The following PCDH9 variants were observed in gnomAD, a reference collection of about 807,000 sequenced individuals.
PCDH9 encodes protocadherin-9.
Under a neutral mutation model 70.6 loss-of-function variants are expected in PCDH9, and 24 were observed. The ratio of observed to expected loss-of-function variants is 0.34; its 90% CI spans 0.25 to 0.48. PCDH9 has a LOEUF of 0.48. Ranked by LOEUF, PCDH9 falls within the 20% of genes least tolerant of loss-of-function variation. The pLI, the probability that PCDH9 is intolerant of heterozygous loss-of-function variation, is 0.99. For missense variants in PCDH9, 1,281 were observed against 1,503.6 expected (o/e 0.85, Z 2.45); for synonymous variants, 562 against 558.5 (o/e 1.01, Z -0.09).
chr13:66,981,226 G>C (rs1401418457), intron 2 of PCDH9, among the ~76,000 whole-genome samples: 1 of 152,014 alleles, frequency 6.6e-6, no homozygotes, highest in Non-Finnish European at 1.5e-5. Flanking sequence ...ATCACGAGGT[G>C]CGGAGATCAA....
chr13:66,429,430 G>GTTT (rs5804281), intron 4 of PCDH9, among the ~76,000 whole-genome samples: 8,347 of 144,928 alleles, frequency 0.058, 309 homozygotes, highest in African/African-American at 0.091. Context: ...TATTTTTTCT[G>GTTT]TTTTTTTTTT....
chr13:67,157,347 T>C (rs186186284), intron 2 of PCDH9, among the ~76,000 whole-genome samples: 272 of 152,336 alleles, frequency 1.8e-3, no homozygotes, highest in Non-Finnish European at 2.5e-3. Context: ...TTTTCTTATA[T>C]TCATTTGTTA....
chr13:66,410,795 G>A (rs1957357343), intron 4 of PCDH9, among the ~76,000 whole-genome samples: 1 of 152,108 alleles, frequency 6.6e-6, no homozygotes, highest in Non-Finnish European at 1.5e-5. Context: ...AAAATAAAAT[G>A]CCGATTTTTT....
At chr13:66,509,297 A>G (rs915451401) in intron 4 of PCDH9, among the ~76,000 whole-genome samples, 15 of 152,032 alleles carry the variant, frequency 9.9e-5, no homozygotes, top group Non-Finnish European at 1.9e-4. Context: ...CAACCCAGAC[A>G]ATGTCTTTTT....
At chr13:66,889,238 T>A (rs1296927337) in intron 3 of PCDH9, among the ~76,000 whole-genome samples, 1 of 152,164 alleles carries the variant, frequency 6.6e-6, no homozygotes, top group African/African-American at 2.4e-5. Flanking sequence ...GTACCTCTGA[T>A]CCGAGGCCAA....
chr13:67,017,153 C>T (rs1201810170), intron 2 of PCDH9, among the ~76,000 whole-genome samples: 1 of 152,168 alleles, frequency 6.6e-6, no homozygotes, highest in Non-Finnish European at 1.5e-5. Context: ...TCCTGTCTTA[C>T]ACTGTTTAGA....
At chr13:67,152,937 G>A (rs949604289) in intron 2 of PCDH9, among the ~76,000 whole-genome samples, 2 of 152,064 alleles carry the variant, frequency 1.3e-5, no homozygotes, top group African/African-American at 4.8e-5. Context: ...CGCATAGAGG[G>A]TAATGACACT....
At chr13:66,471,878 C>T (rs1566351612) in intron 4 of PCDH9, among the ~76,000 whole-genome samples, 2 of 152,022 alleles carry the variant, frequency 1.3e-5, no homozygotes, top group Admixed American at 6.6e-5. Context: ...GGTGGTTTCC[C>T]CAAATTACAT....
intron 3 of PCDH9, among the ~76,000 whole-genome samples, chr13:66,636,767 T>A (rs1002746872): frequency 1.3e-5 from 2 of 151,584 alleles, no homozygotes; most frequent in African/African-American, 4.8e-5. Flanking sequence ...GCTAAATACA[T>A]ACACACACAC....
chr13:66,681,042 C>G (rs2078311867), intron 3 of PCDH9, among the ~76,000 whole-genome samples: 1 of 151,918 alleles, frequency 6.6e-6, no homozygotes, highest in Admixed American at 6.6e-5. Flanking sequence ...TCTAGTTATT[C>G]CATCATCATA....
chr13:66,552,711 A>G (rs1474994919), intron 4 of PCDH9, among the ~76,000 whole-genome samples: 4 of 152,286 alleles, frequency 2.6e-5, no homozygotes, highest in Admixed American at 1.3e-4. Flanking sequence ...AATGTGTTTG[A>G]TAATATCAAT....
intron 2 of PCDH9, among the ~76,000 whole-genome samples, chr13:67,098,495 C>A (rs970668878): frequency 1.3e-5 from 2 of 152,028 alleles, no homozygotes; most frequent in African/African-American, 2.4e-5. Flanking sequence ...CTTCTGAGTA[C>A]AATAATGTAG....
chr13:66,940,451 T>C (rs1335121412), intron 2 of PCDH9, among the ~76,000 whole-genome samples: 1 of 152,150 alleles, frequency 6.6e-6, no homozygotes, highest in African/African-American at 2.4e-5. Flanking sequence ...TTTGAGGTGA[T>C]GATTAAACAG....
intron 4 of PCDH9, among the ~76,000 whole-genome samples, chr13:66,400,186 A>G (rs1364812849): frequency 6.6e-6 from 1 of 152,136 alleles, no homozygotes; most frequent in Non-Finnish European, 1.5e-5. Flanking sequence ...GTATTTTTCT[A>G]CTTCCATGTT....
At chr13:66,697,216 T>C (rs1044023708) in intron 3 of PCDH9, among the ~76,000 whole-genome samples, 6 of 152,174 alleles carry the variant, frequency 3.9e-5, no homozygotes, top group African/African-American at 1.4e-4. Flanking sequence ...TTAATAATAT[T>C]AGGACATTAA....
At chr13:67,167,030 T>C (rs774401499) in intron 2 of PCDH9, among the ~76,000 whole-genome samples, 5 of 152,374 alleles carry the variant, frequency 3.3e-5, no homozygotes, top group South Asian at 2.1e-4. Flanking sequence ...ACCTTCCTTG[T>C]TATATCTTAC....
intron 2 of PCDH9, among the ~76,000 whole-genome samples, chr13:66,959,921 T>C (rs1466991530): frequency 1.3e-5 from 2 of 152,182 alleles, no homozygotes; most frequent in African/African-American, 4.8e-5. Context: ...TTTTCACAGT[T>C]TCTGAACCCA....
chr13:66,589,845 A>C (rs1395836548), intron 4 of PCDH9, among the ~76,000 whole-genome samples: 1 of 152,136 alleles, frequency 6.6e-6, no homozygotes, highest in African/African-American at 2.4e-5. Context: ...AGTTAAATGA[A>C]ATAACTTTAT....
chr13:67,117,221 A>G (rs1456889627), intron 2 of PCDH9, among the ~76,000 whole-genome samples: 1 of 152,172 alleles, frequency 6.6e-6, no homozygotes, highest in Admixed American at 6.6e-5. Flanking sequence ...TTCCATGCCA[A>G]TCACTGAAGA....
Sources: allele counts gnomAD v4.1 joint callset (sites outside exome capture counted in the v4.1 genomes callset), GRCh38; gene constraint gnomAD v4.1.1; transcripts MANE v1.5; gene names NCBI Gene and HGNC (gene_info 2026-07-23, HGNC 2026-07-21).